TNKS: variants seen among roughly 807,000 people sequenced by gnomAD.
TNKS encodes the protein poly [ADP-ribose] polymerase tankyrase-1.
TNKS carries 72 observed loss-of-function variants against 135.8 expected under a neutral mutation model. The observed-to-expected ratio is 0.53, with a 90% CI of 0.44 to 0.64. The LOEUF is 0.64. Ranked by LOEUF, TNKS falls within the 30% of genes least tolerant of loss-of-function variation. The pLI, the probability that TNKS is intolerant of heterozygous loss-of-function variation, is 0.00. For missense variants in TNKS, 1,769 were observed against 1,674.0 expected (o/e 1.06, Z -0.99); for synonymous variants, 849 against 649.3 (o/e 1.31, Z -4.68).
At chr8:9,647,550 C>T (rs1443863282) in intron 3 of TNKS, among the ~76,000 whole-genome samples, 1 of 152,150 alleles carries the variant, frequency 6.6e-6, no homozygotes, top group Non-Finnish European at 1.5e-5. Flanking sequence ...TAGAGAACAA[C>T]CCAGAGGCAG....
At chr8:9,687,188 T>A (rs1186631669) in intron 5 of TNKS, among the ~76,000 whole-genome samples, 2 of 152,176 alleles carry the variant, frequency 1.3e-5, no homozygotes, top group Non-Finnish European at 2.9e-5. Context: ...AGATAAAAGG[T>A]CATACCAGTT....
chr8:9,758,565 T>C (rs1349675756), intron 20 of TNKS, among the ~76,000 whole-genome samples: 2 of 152,136 alleles, frequency 1.3e-5, no homozygotes, highest in African/African-American at 4.8e-5. Flanking sequence ...TTCCACAGTT[T>C]CTGTATGTCA....
In TNKS at chr8:9,704,746, A is replaced by G. The variant is rs756020044; in HGVS notation, c.1191A>G (p.Ala397=). The change falls in exon 6 of 27, where the codon GCA becomes GCG. Residue 397 remains alanine, a synonymous_variant. Transcript: ENST00000310430. ...TTCAGCATGGTGCTGATGTTCATGC[A>G]AAAGACAAAGGGTAGGTCTATCAGT... ...LLLQHGADVH[A]KDKGGLVPLH... The G allele has an allele frequency of 1.2e-6, 2 of 1,613,030 alleles. No homozygotes were observed. The highest frequency in any genetic ancestry group is 8.5e-7 in the Non-Finnish European group (1 of 1,179,220).
At position 9,573,358 on chromosome 8, in the gene TNKS, G is replaced by A. The variant is rs1797831992; in HGVS notation, c.674-6801G>A. Among the ~76,000 whole-genome samples, 4 of 152,280 alleles carry A rather than the reference G, an allele frequency of 2.6e-5. No individual in the cohort carries two copies. In the South Asian group the frequency reaches 8.3e-4, roughly 32 times the overall value. On this transcript the variant is annotated intron_variant, in intron 1 of 26. Coordinates refer to ENST00000310430, the MANE Select transcript of TNKS (RefSeq NM_003747.3). ...GTGATGTACAGAAGACAAAAGTAAG[G>A]TATAGAAAGAGCTTGGTTGGTTACA...
At chr8:9,597,654 CA>C (rs1184560485) in intron 2 of TNKS, among the ~76,000 whole-genome samples, 1 of 152,036 alleles carries the variant, frequency 6.6e-6, no homozygotes, top group African/African-American at 2.4e-5. Context: ...TTGCTGTAAC[CA>C]AATATTAAGT....
At position 9,556,220 on chromosome 8, in the gene TNKS, G is replaced by C. The variant is rs903529241; in HGVS notation, c.281G>C (p.Ser94Thr). 1.9e-6 allele frequency: 3 copies of C among 1,614,040 alleles called. No individual in the cohort carries two copies. The highest frequency in any genetic ancestry group is 1.6e-4 in the Middle Eastern group (1 of 6,084). Residue 94 changes from serine (S) to threonine (T), a missense_variant, in exon 1 of 27, where the codon AGC (serine) becomes ACC (threonine). Physicochemically the swap from Ser to Thr is moderately conservative, Grantham distance 58. Around this residue, in one of 5 missense-constraint regions of TNKS, gnomAD observed 450 missense variants for 304.9 expected, o/e 1.48. Transcript: ENST00000310430. ...GGTACCAGCTGTTGCAGTACCACCA[G>C]CACAATCTGTACCGTCGCCGCCGCT... is the stretch of plus-strand genomic sequence containing the variant. ...VDGTSCCSTT[S>T]TICTVAAAPV...
chr8:9,616,762 T>G (rs1411597306), intron 3 of TNKS, among the ~76,000 whole-genome samples: 1 of 152,234 alleles, frequency 6.6e-6, no homozygotes, highest in Non-Finnish European at 1.5e-5. Context: ...ATTTAGTTGC[T>G]GGATAACAGT....
chr8:9,576,673 C>A (rs1385172315), intron 1 of TNKS, among the ~76,000 whole-genome samples: 1 of 152,004 alleles, frequency 6.6e-6, no homozygotes, highest in Non-Finnish European at 1.5e-5. Context: ...CCAATCACTT[C>A]CCACCAGGCC....
intron 5 of TNKS, among the ~76,000 whole-genome samples, chr8:9,690,252 C>T (rs1803202205): frequency 6.6e-6 from 1 of 152,168 alleles, no homozygotes; most frequent in South Asian, 2.1e-4. Context: ...AAAAGAGAAA[C>T]ACAAATTGCT....
At chr8:9,688,837 C>A (rs766059920) in intron 5 of TNKS, among the ~76,000 whole-genome samples, 19 of 152,120 alleles carry the variant, frequency 1.2e-4, no homozygotes, top group Non-Finnish European at 2.2e-4. Flanking sequence ...GATGGCGTTT[C>A]ACTATGTTGG....
intron 3 of TNKS, among the ~76,000 whole-genome samples, chr8:9,639,610 GT>G (rs1390397901): frequency 6.7e-6 from 1 of 149,176 alleles, no homozygotes; most frequent in African/African-American, 2.5e-5. Context: ...TATTTACTAT[GT>G]TTTAGATATT....
intron 3 of TNKS, among the ~76,000 whole-genome samples, chr8:9,616,573 T>C (rs1799653582): frequency 6.6e-6 from 1 of 152,202 alleles, no homozygotes; most frequent in African/African-American, 2.4e-5. Context: ...TTAGAGTCCA[T>C]GGTGTGAAAA....
At chr8:9,619,041 G>C (rs992926386) in intron 3 of TNKS, among the ~76,000 whole-genome samples, 1 of 152,142 alleles carries the variant, frequency 6.6e-6, no homozygotes, top group Non-Finnish European at 1.5e-5. Context: ...TTCACATTTA[G>C]GTAGGTTGTT....
At chr8:9,574,739 G>T (rs1433807242) in intron 1 of TNKS, among the ~76,000 whole-genome samples, 1 of 152,056 alleles carries the variant, frequency 6.6e-6, no homozygotes, top group Non-Finnish European at 1.5e-5. Context: ...TGAAAGACTT[G>T]ATTTTTTAGC....
chr8:9,763,988 T>C (rs1807287122), intron 22 of TNKS, among the ~76,000 whole-genome samples: 1 of 152,132 alleles, frequency 6.6e-6, no homozygotes, highest in Admixed American at 6.5e-5. Context: ...GTATTTCAGC[T>C]CATACGTAGC....
At position 9,770,234 on chromosome 8, in the gene TNKS, C is replaced by G; in HGVS notation, c.3869C>G (p.Ala1290Gly). Reference sequence around the variant, plus strand: ...CCGAGCGTCAATGGGCTGGCATATGCTGAATATGTCATCTACAGAGGAGAA... The same window carrying G: ...CCGAGCGTCAATGGGCTGGCATATGGTGAATATGTCATCTACAGAGGAGAA... ...GRPSVNGLAYAEYVIYRGEQA... is the reference protein window; with the variant it reads ...GRPSVNGLAYGEYVIYRGEQA... The change falls in exon 26 of 27, where the codon GCT becomes GGT. Residue 1290 changes from alanine (A) to glycine (G), a missense_variant. Around this residue, in one of 5 missense-constraint regions of TNKS, gnomAD observed 722 missense variants for 688.9 expected, o/e 1.05. Transcript: ENST00000310430. The G allele has an allele frequency of 6.2e-7, 1 of 1,613,314 alleles. No homozygotes were observed. The highest frequency in any genetic ancestry group is 8.5e-7 in the Non-Finnish European group (1 of 1,179,882).
chr8:9,655,405 A>G (rs1424640815), intron 3 of TNKS, among the ~76,000 whole-genome samples: 2 of 152,222 alleles, frequency 1.3e-5, no homozygotes, highest in Non-Finnish European at 2.9e-5. Context: ...TGGTTCTCCC[A>G]GCACGCAGCT....
intron 20 of TNKS, among the ~76,000 whole-genome samples, 154 bp downstream of exon 20, chr8:9,752,780 C>A (rs1034008701): frequency 6.6e-6 from 1 of 151,744 alleles, no homozygotes; most frequent in East Asian, 1.9e-4. Flanking sequence ...CAAAGCGAGA[C>A]CCCCATCTCT....
At chr8:9,573,280 G>A (rs916327949) in intron 1 of TNKS, among the ~76,000 whole-genome samples, 6 of 152,196 alleles carry the variant, frequency 3.9e-5, no homozygotes, top group Non-Finnish European at 8.8e-5. Context: ...TAGGTTCAGA[G>A]TAATTCCAGG....
Sources: gnomAD v4.1 joint callset for allele counts (sites outside exome capture counted in the v4.1 genomes callset) on GRCh38, gnomAD v4.1.1 for gene constraint, gnomAD v4.1.1 regional missense constraint, MANE v1.5 for transcripts, NCBI Gene and HGNC (gene_info 2026-07-23, HGNC 2026-07-21) for gene names.